Variants in C2orf80 observed in about 807,000 individuals in gnomAD.
C2orf80 encodes uncharacterized protein C2orf80.
In C2orf80, 28 loss-of-function variants were observed where a neutral mutation model predicts 30.2. The observed-to-expected ratio is 0.93, with a 90% CI of 0.69 to 1.27. The LOEUF is 1.27. Ranked by LOEUF, C2orf80 falls within the 50% of genes most tolerant of loss-of-function variation. The probability of loss-of-function intolerance (pLI) is 0.00; values close to 1 mark genes in which losing one functional copy is unlikely to be tolerated. For missense variants in C2orf80, 220 were observed against 231.0 expected (o/e 0.95, Z 0.31); for synonymous variants, 80 against 76.4 (o/e 1.05, Z -0.24).
intron 6 of C2orf80, among the ~76,000 whole-genome samples, chr2:208,178,978 C>A (rs1161349505): frequency 6.6e-6 from 1 of 152,114 alleles, no homozygotes; most frequent in African/African-American, 2.4e-5. Flanking sequence ...AGGCTAGTCT[C>A]AAACTCCCGA....
intron 3 of C2orf80, among the ~76,000 whole-genome samples, chr2:208,184,145 C>T (rs1054155732): frequency 1.3e-5 from 2 of 152,166 alleles, no homozygotes; most frequent in Non-Finnish European, 2.9e-5. Context: ...CTTGTTTGGT[C>T]ATTTGAAATG....
chr2:208,184,410 T>C (rs1255349639), intron 3 of C2orf80, among the ~76,000 whole-genome samples: 1 of 152,182 alleles, frequency 6.6e-6, no homozygotes, highest in Non-Finnish European at 1.5e-5. Flanking sequence ...GGAGAGAGTC[T>C]TTTTTATTAG....
At chr2:208,183,131 C>T in intron 3 of C2orf80, 84 bp from the exon 4 acceptor site, 1 of 1,053,244 alleles carries the variant, frequency 9.5e-7, no homozygotes. Context: ...AATGGGACTG[C>T]TAAGCCTATT....
At chr2:208,169,393 A>C (rs1696021017) in intron 8 of C2orf80, among the ~76,000 whole-genome samples, 1 of 152,008 alleles carries the variant, frequency 6.6e-6, no homozygotes, top group Non-Finnish European at 1.5e-5. Flanking sequence ...CATTTTTCAA[A>C]TTCTTCAAAA....
chr2:208,171,089 C>T, intron 7 of C2orf80, 26 bp from the exon 8 acceptor site: 1 of 1,508,040 alleles, frequency 6.6e-7, no homozygotes, highest in Non-Finnish European at 9.2e-7. Context: ...GTAACCATAT[C>T]TGTATATAAA....
chr2:208,187,872 T>C (rs1209147850), intron 1 of C2orf80, among the ~76,000 whole-genome samples: 2 of 151,858 alleles, frequency 1.3e-5, no homozygotes, highest in Admixed American at 1.3e-4. Context: ...TTCCAATCAG[T>C]CGAAAGCCTT....
chr2:208,181,440 A>G (rs6435426), intron 4 of C2orf80, 135 bp from the exon 5 acceptor site: 386,717 of 551,326 alleles, frequency 0.7, 142,971 homozygotes, highest in Non-Finnish European at 0.78. Context: ...TAAAATTGGT[A>G]TGATTGTTCC....
chr2:208,187,327 G>C (rs1309276881), intron 1 of C2orf80, among the ~76,000 whole-genome samples: 1 of 152,108 alleles, frequency 6.6e-6, no homozygotes, highest in Non-Finnish European at 1.5e-5. Flanking sequence ...AACCAAAATG[G>C]TTTGTGTAAT....
At chr2:208,166,061 A>G (rs1192971363) in intron 8 of C2orf80, among the ~76,000 whole-genome samples, 1 of 152,232 alleles carries the variant, frequency 6.6e-6, no homozygotes, top group African/African-American at 2.4e-5. Context: ...AAGGAAAAAA[A>G]TGCTTAAAAA....
intron 7 of C2orf80, 114 bp downstream of exon 7, chr2:208,171,874 C>T (rs1696109841): frequency 3.3e-6 from 3 of 911,052 alleles, no homozygotes; most frequent in Non-Finnish European, 5.5e-6. Flanking sequence ...TTAAATTCAA[C>T]CAGACATAGA....
rs10804166 is a variant in C2orf80, at chr2:208,171,988, T to C, written c.454A>G (p.Ser152Gly). 1,468,239 of 1,612,124 alleles carry C rather than the reference T, an allele frequency of 0.91. 669,931 individuals carry two copies. The highest frequency in any genetic ancestry group is 0.93 in the Non-Finnish European group (1,093,761 of 1,178,380). Residue 152 changes from serine to glycine, a missense_variant and splice_region_variant, in exon 7 of 9, where the codon AGT (serine) becomes GGT (glycine). Coordinates refer to ENST00000341287, the MANE Select transcript of C2orf80 (RefSeq NM_001099334.3). ...AGCAGGTGAAAGTAACCAGGCTTAC[T>C]CTGTTTGCGGGCGTATGCTGCTGCT... ...PKAAAYARKQSVKSRKVTTNK... is the reference protein window; with the variant it reads ...PKAAAYARKQGVKSRKVTTNK...
intron 2 of C2orf80, 135 bp downstream of exon 2, chr2:208,186,811 A>T: frequency 1.3e-6 from 1 of 789,550 alleles, no homozygotes; most frequent in African/African-American, 1.7e-5. Context: ...AGGCCAGATC[A>T]TCCTCTGGTT....
intron 8 of C2orf80, among the ~76,000 whole-genome samples, chr2:208,166,716 G>A (rs577819830): frequency 3.3e-5 from 5 of 151,880 alleles, no homozygotes; most frequent in East Asian, 3.9e-4. Context: ...ATGCAGTGGC[G>A]GGATCTCGGC....
chr2:208,185,094 G>T, intron 2 of C2orf80, 62 bp from the exon 3 acceptor site: 1 of 1,321,968 alleles, frequency 7.6e-7, no homozygotes, highest in Non-Finnish European at 1.1e-6. Context: ...TGCAGAAAAA[G>T]GCTTTTTTTT....
rs1421927312 is a variant in C2orf80 at position 208,180,818 on chromosome 2, T to C, written c.295-2A>G. ...GACTTCCTCAATCGGGATACTGTTC[T>C]GTTAAACAACAACAGCAATAACAAA... On this transcript the variant is annotated splice_acceptor_variant, in intron 5 of 8. Coordinates refer to ENST00000341287, the MANE Select transcript of C2orf80 (RefSeq NM_001099334.3). LOFTEE classifies it high-confidence loss of function. 1.2e-6 allele frequency: 2 copies of C among 1,611,980 alleles called. No homozygotes were observed. The highest frequency in any genetic ancestry group is 1.7e-5 in the Admixed American group (1 of 59,846).
At position 208,176,916 on chromosome 2, in the gene C2orf80, T is replaced by C. The variant is rs372449362; in HGVS notation, c.366+3829A>G. 3.4e-4 allele frequency among the ~76,000 whole-genome samples: 29 copies of C among 85,582 alleles called. 2 individuals carry two copies. The highest frequency in any genetic ancestry group is 1.3e-3 in the African/African-American group (29 of 22,914). 56.1% of individuals were successfully genotyped at this position (85,582 alleles called of 152,430 possible). A position where few individuals can be genotyped will look rare whatever the true frequency, so the allele number is the denominator to read the frequency against. On this transcript the variant is annotated intron_variant, in intron 6 of 8. Transcript: ENST00000341287. ...ATATATATACATATCTGTGTATACA[T>C]ATCTGTATACATATGTATACATATC...
At chr2:208,184,894 G>C (rs1696667750) in intron 3 of C2orf80, 57 bp downstream of exon 3, 3 of 1,380,664 alleles carry the variant, frequency 2.2e-6, no homozygotes, top group Non-Finnish European at 3.1e-6. Flanking sequence ...TCCTTTTTCT[G>C]TCTCTTTAAT....
intron 3 of C2orf80, 91 bp from the exon 4 acceptor site, chr2:208,183,138 T>A: frequency 2.1e-6 from 2 of 962,982 alleles, no homozygotes; most frequent in Non-Finnish European, 3.3e-6. Flanking sequence ...CTGCTAAGCC[T>A]ATTCTAGTCT....
At chr2:208,189,895 C>T in intron 1 of C2orf80, 58 bp downstream of exon 1, 1 of 702,382 alleles carries the variant, frequency 1.4e-6, no homozygotes, top group Admixed American at 2.0e-5. Flanking sequence ...GTACAGGTCT[C>T]TCGGGCTGTT....
Sources: allele counts gnomAD v4.1 joint callset (sites outside exome capture counted in the v4.1 genomes callset), GRCh38; gene constraint gnomAD v4.1.1; transcripts MANE v1.5; gene names NCBI Gene and HGNC (gene_info 2026-07-23, HGNC 2026-07-21).